Variants in DIAPH3 observed in about 807,000 individuals in gnomAD.
DIAPH3 encodes diaphanous related formin 3.
A neutral mutation model predicts 144.3 loss-of-function variants in DIAPH3; 117 were observed. That is an observed-to-expected ratio of 0.81 (90% CI 0.70 to 0.95). The LOEUF (loss-of-function observed/expected upper bound fraction) is 0.95. Ranked by LOEUF, DIAPH3 falls within the 40% of genes least tolerant of loss-of-function variation. DIAPH3 has a pLI of 0.00. For missense variants in DIAPH3, 1,421 were observed against 1,412.7 expected (o/e 1.01, Z -0.09); for synonymous variants, 519 against 488.9 (o/e 1.06, Z -0.81).
At chr13:59,836,519 T>C (rs1158026970) in intron 23 of DIAPH3, among the ~76,000 whole-genome samples, 2 of 151,776 alleles carry the variant, frequency 1.3e-5, no homozygotes, top group African/African-American at 4.8e-5. Context: ...TTTTAAAGGA[T>C]GCACTAAATT....
intron 2 of DIAPH3, among the ~76,000 whole-genome samples, chr13:60,131,841 G>C (rs765389381): frequency 2.6e-5 from 4 of 152,102 alleles, no homozygotes; most frequent in Non-Finnish European, 5.9e-5. Context: ...TTGCAAGCTG[G>C]GTTAAGTTAG....
chr13:59,850,531 G>C (rs934200726), intron 22 of DIAPH3, among the ~76,000 whole-genome samples: 70 of 150,264 alleles, frequency 4.7e-4, no homozygotes, highest in African/African-American at 1.2e-3. Flanking sequence ...TAGCATGAAG[G>C]GTTGTTGAAT....
At chr13:59,870,672 T>TG (rs1269331162) in intron 21 of DIAPH3, among the ~76,000 whole-genome samples, 67 of 151,442 alleles carry the variant, frequency 4.4e-4, no homozygotes, top group Non-Finnish European at 7.4e-4. Flanking sequence ...GGTGTTTTTT[T>TG]TTTTTTTTTA....
At chr13:59,670,034 T>C (rs578091458) in intron 27 of DIAPH3, among the ~76,000 whole-genome samples, 1 of 152,324 alleles carries the variant, frequency 6.6e-6, no homozygotes, top group African/African-American at 2.4e-5. Context: ...GTTTTTCTTT[T>C]AGCGTTTGGT....
chr13:60,057,923 C>T (rs1382155207), intron 4 of DIAPH3, among the ~76,000 whole-genome samples: 1 of 151,738 alleles, frequency 6.6e-6, no homozygotes, highest in East Asian at 1.9e-4. Flanking sequence ...TAATCTAAGA[C>T]CTGAAATCAT....
In DIAPH3 at chr13:59,762,052, C is replaced by CTTTTTTTT. The variant is rs35387511; in HGVS notation, c.3319+12129_3319+12136dup. On this transcript the variant is annotated intron_variant, in intron 27 of 27. Transcript: ENST00000400324. ...GCACCCAAGATGAAAGCGTCAGCAT[C>CTTTTTTTT]TTTTTTTTTTTTTTTTTTTTTTTTT... Among the ~76,000 whole-genome samples the CTTTTTTTT allele has an allele frequency of 1.7e-4, 10 of 59,520 alleles. 1 individual carries two copies. The highest frequency in any genetic ancestry group is 1.5e-3 in the East Asian group (3 of 1,946). The allele number at this position is 59,520 out of a possible 152,430, so 39.0% of individuals were successfully genotyped here. A position where few individuals can be genotyped will look rare whatever the true frequency, so the allele number is the denominator to read the frequency against.
At chr13:60,129,710 T>C (rs567904111) in intron 2 of DIAPH3, among the ~76,000 whole-genome samples, 8 of 152,324 alleles carry the variant, frequency 5.3e-5, no homozygotes, top group Middle Eastern at 3.4e-3. Context: ...AAAGCATACA[T>C]GCAATGTGTA....
intron 20 of DIAPH3, among the ~76,000 whole-genome samples, chr13:59,882,033 C>T (rs572029334): frequency 8.5e-5 from 13 of 152,200 alleles, no homozygotes; most frequent in African/African-American, 3.1e-4. Context: ...AACAAAATAT[C>T]ATTTAAGGTT....
Position 60,153,913 on chromosome 13 carries a change from C to T in DIAPH3, c.180+9674G>A, listed in dbSNP as rs183243496. Among the ~76,000 whole-genome samples, 39 of 152,046 alleles carry T rather than the reference C, an allele frequency of 2.6e-4. 1 individual carries two copies. Among genetic ancestry groups the T allele is most frequent in the Middle Eastern group, 3.4e-3 (1 of 294 alleles). On this transcript the variant is annotated intron_variant, in intron 1 of 27. Transcript: ENST00000400324. Reference sequence around the variant, plus strand: ...CGTTTTTTTGTAAGTTACATTTGTACCCCAAGTTTCATCATCCTATTATCC... The same window carrying T: ...CGTTTTTTTGTAAGTTACATTTGTATCCCAAGTTTCATCATCCTATTATCC...
intron 20 of DIAPH3, among the ~76,000 whole-genome samples, chr13:59,902,295 G>A (rs2046479979): frequency 6.6e-6 from 1 of 151,988 alleles, no homozygotes; most frequent in African/African-American, 2.4e-5. Flanking sequence ...AGAGTTCTCA[G>A]GAGATCTGGC....
chr13:59,773,990 C>A, intron 27 of DIAPH3, 199 bp downstream of exon 27: 5 of 543,328 alleles, frequency 9.2e-6, no homozygotes, highest in South Asian at 8.4e-5. Context: ...ATAGAAGAAC[C>A]TAAGACACAA....
intron 25 of DIAPH3, among the ~76,000 whole-genome samples, chr13:59,799,168 C>T (rs1593889464): frequency 6.6e-6 from 1 of 152,034 alleles, no homozygotes; most frequent in African/African-American, 2.4e-5. Context: ...CAGTGATCAC[C>T]TTTACCACAA....
rs777909368 is a variant in DIAPH3, at chr13:60,131,435, CAAAAAAAAAAAAAA to C, written c.213+1508_213+1521del. On this transcript the variant is annotated intron_variant, in intron 2 of 27. Transcript: ENST00000400324. ...TGGACAACAGAGCGAGACCCTGTCT[CAAAAAAAAAAAAAA>C]AAAAAAAAAAACAAATGAAGTACTG... is the stretch of plus-strand genomic sequence containing the variant. 9.0e-3 allele frequency among the ~76,000 whole-genome samples: 263 copies of C among 29,320 alleles called. 1 individual carries two copies. Among genetic ancestry groups the C allele is most frequent in the African/African-American group, 0.022 (241 of 10,858 alleles). 19.2% of individuals were successfully genotyped at this position (29,320 alleles called of 152,430 possible). A position where few individuals can be genotyped will look rare whatever the true frequency, so the allele number is the denominator to read the frequency against.
At chr13:60,138,513 C>T (rs550692839) in intron 1 of DIAPH3, among the ~76,000 whole-genome samples, 19 of 152,288 alleles carry the variant, frequency 1.2e-4, no homozygotes, top group Non-Finnish European at 2.4e-4. Flanking sequence ...TGGGACAGGC[C>T]TTACTGCCAT....
At chr13:60,056,767 T>C (rs1114206) in intron 4 of DIAPH3, among the ~76,000 whole-genome samples, 98,804 of 151,510 alleles carry the variant, frequency 0.65, 32,849 homozygotes, top group African/African-American at 0.73. Flanking sequence ...GAGACTTCTA[T>C]TGGCCAAATC....
intron 18 of DIAPH3, among the ~76,000 whole-genome samples, chr13:59,916,645 T>C (rs1011504548): frequency 2.6e-5 from 4 of 152,158 alleles, no homozygotes; most frequent in Admixed American, 6.5e-5. Context: ...TCTAAGCATA[T>C]GTATTATTTG....
intron 1 of DIAPH3, among the ~76,000 whole-genome samples, chr13:60,162,622 T>C (rs1222772862): frequency 6.6e-6 from 1 of 152,210 alleles, no homozygotes; most frequent in African/African-American, 2.4e-5. Flanking sequence ...TATTCTGATA[T>C]ATCTCATGTA....
intron 12 of DIAPH3, among the ~76,000 whole-genome samples, chr13:59,988,977 T>C (rs1222132863): frequency 2.0e-5 from 3 of 151,788 alleles, no homozygotes; most frequent in Non-Finnish European, 2.9e-5. Context: ...GTCCCAAAAG[T>C]GGAAATGAAA....
At chr13:59,997,921 AAT>A (rs1416326250) in intron 9 of DIAPH3, among the ~76,000 whole-genome samples, 1 of 152,088 alleles carries the variant, frequency 6.6e-6, no homozygotes, top group Non-Finnish European at 1.5e-5. Flanking sequence ...AAAATACTTA[AAT>A]AAAAATTCTA....
Sources: allele counts gnomAD v4.1 joint callset (sites outside exome capture counted in the v4.1 genomes callset), GRCh38; gene constraint gnomAD v4.1.1; transcripts MANE v1.5; gene names NCBI Gene and HGNC (gene_info 2026-07-23, HGNC 2026-07-21).